The following DAB1 variants were observed in gnomAD, a reference collection of about 807,000 sequenced individuals.
DAB1 encodes the protein disabled homolog 1.
DAB1 carries 15 observed loss-of-function variants against 64.6 expected under a neutral mutation model. That is an observed-to-expected ratio of 0.23 (90% CI 0.16 to 0.36). DAB1 has a LOEUF of 0.36. Among genes scored for constraint, DAB1 ranks in the 10% least tolerant of loss-of-function variants. DAB1 has a pLI of 1.00. For missense variants in DAB1, 596 were observed against 706.7 expected (o/e 0.84, Z 1.78); for synonymous variants, 235 against 251.9 (o/e 0.93, Z 0.64).
At chr1:57,130,627 ATAT>A (rs1225331855) in intron 4 of DAB1, among the ~76,000 whole-genome samples, 1 of 151,270 alleles carries the variant, frequency 6.6e-6, no homozygotes, top group Non-Finnish European at 1.5e-5. Flanking sequence ...AGCCTGGGGG[ATAT>A]TATGTTAAGT....
chr1:58,362,683 T>C (rs1644179013), intron 3 of DAB1, among the ~76,000 whole-genome samples: 1 of 152,188 alleles, frequency 6.6e-6, no homozygotes, highest in Admixed American at 6.5e-5. Context: ...GGCAATGCAT[T>C]CCATCAGTGA....
chr1:57,031,585 T>A (rs1305681827), intron 9 of DAB1, among the ~76,000 whole-genome samples: 1 of 152,222 alleles, frequency 6.6e-6, no homozygotes, highest in East Asian at 1.9e-4. Flanking sequence ...GACTCGCCTC[T>A]GATCAGTCAG....
At chr1:57,827,963 T>C (rs1052946109) in intron 1 of DAB1, among the ~76,000 whole-genome samples, 2 of 152,228 alleles carry the variant, frequency 1.3e-5, no homozygotes, top group African/African-American at 4.8e-5. Flanking sequence ...TTTTTGTTTC[T>C]GAGATGGAGT....
At chr1:57,759,112 T>C (rs1648952744) in intron 6 of DAB1, among the ~76,000 whole-genome samples, 1 of 151,778 alleles carries the variant, frequency 6.6e-6, no homozygotes, top group African/African-American at 2.4e-5. Flanking sequence ...AAGATACAGA[T>C]AGCCTGATAC....
intron 6 of DAB1, among the ~76,000 whole-genome samples, chr1:57,704,804 C>T (rs1342052300): frequency 1.3e-5 from 2 of 151,912 alleles, no homozygotes; most frequent in Non-Finnish European, 2.9e-5. Context: ...TTCAATAGAT[C>T]TACTAGTCTA....
At chr1:57,045,989 T>C (rs1408307891) in intron 9 of DAB1, among the ~76,000 whole-genome samples, 3 of 152,200 alleles carry the variant, frequency 2.0e-5, no homozygotes, top group Admixed American at 2.0e-4. Context: ...ACAATCAGAC[T>C]CTATTTCCCT....
chr1:57,296,767 G>A (rs1011775609), intron 1 of DAB1, among the ~76,000 whole-genome samples: 2 of 152,112 alleles, frequency 1.3e-5, no homozygotes, highest in South Asian at 2.1e-4. Context: ...AGCAGAACAG[G>A]TGCTGACTGG....
chr1:58,123,441 G>A (rs1245226827), intron 5 of DAB1, among the ~76,000 whole-genome samples: 1 of 152,154 alleles, frequency 6.6e-6, no homozygotes, highest in Non-Finnish European at 1.5e-5. Context: ...TGGTGATGGG[G>A]GCAGGGGTTG....
intron 4 of DAB1, among the ~76,000 whole-genome samples, chr1:57,113,684 C>T (rs965744526): frequency 5.3e-5 from 8 of 152,068 alleles, no homozygotes; most frequent in South Asian, 2.1e-4. Context: ...AAAAAATGTA[C>T]GCTTGCAATC....
chr1:57,117,451 G>T (rs1656240319), intron 4 of DAB1, among the ~76,000 whole-genome samples: 2 of 152,194 alleles, frequency 1.3e-5, no homozygotes, highest in African/African-American at 2.4e-5. Context: ...AAGTCCCCAA[G>T]ATCACAGAAC....
At chr1:58,531,758 G>A (rs1646438014) in intron 1 of DAB1, among the ~76,000 whole-genome samples, 2 of 152,016 alleles carry the variant, frequency 1.3e-5, no homozygotes, top group South Asian at 4.2e-4. Context: ...TGCCCAAGCT[G>A]GAGTGCAGTG....
At chr1:58,201,458 T>C (rs1300970586) in intron 4 of DAB1, among the ~76,000 whole-genome samples, 2 of 152,220 alleles carry the variant, frequency 1.3e-5, no homozygotes, top group South Asian at 2.1e-4. Context: ...AAATGATGAA[T>C]AATTCAACTG....
intron 5 of DAB1, among the ~76,000 whole-genome samples, chr1:57,905,869 A>T (rs1644543293): frequency 6.6e-6 from 1 of 152,186 alleles, no homozygotes; most frequent in Admixed American, 6.5e-5. Flanking sequence ...TATGTAAAGG[A>T]GTAGGATGAA....
At chr1:58,413,105 A>G (rs150741462) in intron 3 of DAB1, among the ~76,000 whole-genome samples, 75 of 152,322 alleles carry the variant, frequency 4.9e-4, no homozygotes, top group African/African-American at 1.8e-3. Context: ...GGAGGAGAGC[A>G]TTAGGTGAGT....
At chr1:57,332,724 G>T (rs993277477) in intron 1 of DAB1, among the ~76,000 whole-genome samples, 2 of 152,092 alleles carry the variant, frequency 1.3e-5, no homozygotes, top group Non-Finnish European at 2.9e-5. Flanking sequence ...TCTTACCCAT[G>T]CCCAATAGAT....
rs1173105070 is a variant in DAB1 at position 57,511,533 on chromosome 1, CT to C, written n.625+138058del. Reference sequence around the variant, plus strand: ...AATTATTCTATTTTATATCACACTGCTTTTTTTGTAGACATAATTGCATAAT... The same window carrying C: ...AATTATTCTATTTTATATCACACTGCTTTTTTGTAGACATAATTGCATAAT... On this transcript the variant is annotated intron_variant and non_coding_transcript_variant, in intron 7 of 20. Coordinates refer to the DAB1 transcript ENST00000485760. Among the ~76,000 whole-genome samples the C allele has an allele frequency of 1.1e-4, 16 of 152,294 alleles. No individual in the cohort carries two copies. The South Asian group carries it at 1.5e-3, about 14-fold the overall frequency.
chr1:57,074,292 T>A (rs1651785662), intron 4 of DAB1, among the ~76,000 whole-genome samples: 1 of 152,242 alleles, frequency 6.6e-6, no homozygotes, highest in Non-Finnish European at 1.5e-5. Context: ...TGATTACAAA[T>A]GCAGTTTTTT....
intron 6 of DAB1, among the ~76,000 whole-genome samples, chr1:57,792,277 C>CT (rs1650638912): frequency 6.6e-6 from 1 of 152,144 alleles, no homozygotes; most frequent in African/African-American, 2.4e-5. Context: ...TCTTCAATGC[C>CT]TTTTCCTTTT....
intron 4 of DAB1, among the ~76,000 whole-genome samples, chr1:58,185,818 G>T (rs1186661366): frequency 2.6e-5 from 4 of 152,122 alleles, no homozygotes; most frequent in African/African-American, 9.7e-5. Flanking sequence ...AGGTGGTACT[G>T]CCCTCTACAA....
Sources: allele counts gnomAD v4.1 joint callset (sites outside exome capture counted in the v4.1 genomes callset), GRCh38; gene constraint gnomAD v4.1.1; transcripts MANE v1.5; gene names NCBI Gene and HGNC (gene_info 2026-07-23, HGNC 2026-07-21).